RANBP9: variants seen among roughly 807,000 people sequenced by gnomAD.
RANBP9 encodes RAN binding protein 9, also known as ran-binding protein 9.
Under a neutral mutation model 84.3 loss-of-function variants are expected in RANBP9, and 15 were observed. That is an observed-to-expected ratio of 0.18 (90% confidence interval 0.12 to 0.27). The LOEUF is 0.27. RANBP9 is among the 10% of genes least tolerant of loss of function. The probability of loss-of-function intolerance (pLI) is 1.00; values close to 1 mark genes in which losing one functional copy is unlikely to be tolerated. For missense variants in RANBP9, 809 were observed against 912.8 expected (o/e 0.89, Z 1.46); for synonymous variants, 392 against 349.6 (o/e 1.12, Z -1.35).
At chr6:13,708,819 T>TCACACACACACA (rs70989879) in intron 1 of RANBP9, among the ~76,000 whole-genome samples, 3 of 140,842 alleles carry the variant, frequency 2.1e-5, no homozygotes, top group South Asian at 2.2e-4. Flanking sequence ...AACGGAAAAC[T>TCACACACACACA]CACACACACA....
intron 6 of RANBP9, among the ~76,000 whole-genome samples, chr6:13,643,049 T>C (rs1765102363): frequency 6.6e-6 from 1 of 152,186 alleles, no homozygotes; most frequent in African/African-American, 2.4e-5. Flanking sequence ...AACCATCTTC[T>C]TTACACACCG....
chr6:13,623,047 T>G (rs753996959), intron 13 of RANBP9, among the ~76,000 whole-genome samples: 2 of 152,170 alleles, frequency 1.3e-5, no homozygotes, highest in Non-Finnish European at 2.9e-5. Flanking sequence ...CCCCACAGTT[T>G]TGGAGGTGCT....
At chr6:13,664,624 TA>T (rs1207086191) in intron 2 of RANBP9, among the ~76,000 whole-genome samples, 1 of 152,018 alleles carries the variant, frequency 6.6e-6, no homozygotes, top group East Asian at 1.9e-4. Flanking sequence ...TAGAAGAGAG[TA>T]ATTCAAATGT....
intron 4 of RANBP9, among the ~76,000 whole-genome samples, chr6:13,656,127 A>C (rs1765394861): frequency 6.6e-6 from 1 of 152,186 alleles, no homozygotes. Context: ...AGAAATTCAG[A>C]ATTTTCTTTT....
At chr6:13,704,312 A>C (rs1165261977) in intron 1 of RANBP9, among the ~76,000 whole-genome samples, 2 of 152,174 alleles carry the variant, frequency 1.3e-5, no homozygotes, top group South Asian at 4.1e-4. Context: ...ATAAGATCTA[A>C]ACTCAACAAA....
chr6:13,634,080 C>A (rs143227018), intron 11 of RANBP9, among the ~76,000 whole-genome samples: 68 of 152,220 alleles, frequency 4.5e-4, no homozygotes, highest in Non-Finnish European at 9.4e-4. Context: ...AATCATCTAA[C>A]CATTTGGCCT....
At chr6:13,658,712 T>TA in intron 3 of RANBP9, 68 bp downstream of exon 3, 1 of 1,255,622 alleles carries the variant, frequency 8.0e-7, no homozygotes, top group Non-Finnish European at 1.2e-6. Flanking sequence ...TACAATTTCT[T>TA]ACTTGAAAAA....
At chr6:13,651,378 T>C (rs1298455713) in intron 5 of RANBP9, among the ~76,000 whole-genome samples, 3 of 138,300 alleles carry the variant, frequency 2.2e-5, no homozygotes, top group Non-Finnish European at 4.6e-5. Flanking sequence ...TAGTTTTTTG[T>C]TGTTGTTGTT....
chr6:13,680,757 G>GAA (rs35137292), intron 2 of RANBP9, among the ~76,000 whole-genome samples: 1 of 128,020 alleles, frequency 7.8e-6, no homozygotes, highest in Non-Finnish European at 1.7e-5. Flanking sequence ...GTCTGTCTCG[G>GAA]AAAAAAAAAA....
chr6:13,710,954 G>C lies in RANBP9; in HGVS notation c.552C>G (p.Asn184Lys). The change falls in exon 1 of 14, where the codon AAC becomes AAG. Residue 184 changes from asparagine (N) to lysine (K), a missense_variant. Physicochemically the swap from Asn to Lys is moderately conservative, Grantham distance 94. This residue lies in a region of RANBP9 where 56 missense variants were observed against 88.2 expected (regional missense o/e 0.63). Coordinates refer to ENST00000011619, the MANE Select transcript of RANBP9 (RefSeq NM_005493.3). Reference protein sequence around the residue: ...KFSYIGLSQNNLRVHYKGHGK... With the variant: ...KFSYIGLSQNKLRVHYKGHGK... Reference sequence around the variant, plus strand: ...CAGTACCTTTGTAGTGCACCCGCAGGTTGTTCTGAGAGAGGCCGATGTAGC... The same window carrying C: ...CAGTACCTTTGTAGTGCACCCGCAGCTTGTTCTGAGAGAGGCCGATGTAGC... 1 of 1,609,266 alleles carries C rather than the reference G, an allele frequency of 6.2e-7. No individual in the cohort carries two copies. Among genetic ancestry groups the C allele is most frequent in the Non-Finnish European group, 8.5e-7 (1 of 1,178,014 alleles).
rs1243371617 is a variant in RANBP9 at position 13,657,156 on chromosome 6, T to G, written c.857A>C (p.Asn286Thr). 2.5e-6 allele frequency: 4 copies of G among 1,613,136 alleles called. No individual in the cohort carries two copies. Among genetic ancestry groups the G allele is most frequent in the Non-Finnish European group, 3.4e-6 (4 of 1,179,454 alleles). The change falls in exon 4 of 14, where the codon AAT becomes ACT. Residue 286 changes from asparagine to threonine, a missense_variant. This residue lies in a region of RANBP9 where 216 missense variants were observed against 329.0 expected (regional missense o/e 0.66). Transcript: ENST00000011619. ...TTGDVIGCCV[N>T]LINNTCFYTK... ...GTAAAAGCAGGTATTGTTGATAAGA[T>G]TAACACAACAGCCAATGACATCACC...
chr6:13,708,055 T>A (rs1217268062), intron 1 of RANBP9, among the ~76,000 whole-genome samples: 1 of 152,226 alleles, frequency 6.6e-6, no homozygotes, highest in South Asian at 2.1e-4. Flanking sequence ...TATCTAACAT[T>A]AATCTCTTCA....
intron 2 of RANBP9, among the ~76,000 whole-genome samples, chr6:13,692,727 C>T (rs1168737495): frequency 1.3e-5 from 2 of 151,826 alleles, no homozygotes; most frequent in Non-Finnish European, 2.9e-5. Flanking sequence ...TGGTACATGT[C>T]TGTAATCCCA....
intron 1 of RANBP9, among the ~76,000 whole-genome samples, chr6:13,706,053 G>C (rs997774933): frequency 6.6e-6 from 1 of 151,840 alleles, no homozygotes; most frequent in Non-Finnish European, 1.5e-5. Context: ...GAAAGACAGA[G>C]TAAGTATAAC....
chr6:13,702,448 T>G (rs1757999166), intron 1 of RANBP9, among the ~76,000 whole-genome samples: 1 of 152,212 alleles, frequency 6.6e-6, no homozygotes, highest in Admixed American at 6.5e-5. Context: ...TTTTATTTGT[T>G]AAAATGTTAA....
At chr6:13,632,830 G>T in intron 11 of RANBP9, 2 of 115,344 alleles carry the variant, frequency 1.7e-5, no homozygotes, top group Non-Finnish European at 3.4e-5. Flanking sequence ...ACTACATTAA[G>T]CAACATTTAA....
intron 2 of RANBP9, among the ~76,000 whole-genome samples, chr6:13,677,235 A>G (rs748709430): frequency 6.6e-6 from 1 of 152,184 alleles, no homozygotes; most frequent in South Asian, 2.1e-4. Context: ...TTTTAAACAC[A>G]CAATACCACT....
At chr6:13,631,735 G>A (rs1437490919) in intron 12 of RANBP9, among the ~76,000 whole-genome samples, 2 of 152,162 alleles carry the variant, frequency 1.3e-5, no homozygotes, top group Admixed American at 6.5e-5. Context: ...CAACTGCAAT[G>A]CTGACTTAAG....
intron 5 of RANBP9, among the ~76,000 whole-genome samples, chr6:13,649,367 G>GCTTTTT: frequency 6.7e-6 from 1 of 149,778 alleles, no homozygotes; most frequent in African/African-American, 2.5e-5. Flanking sequence ...AAGCAACCAA[G>GCTTTTT]CTTTTTCCAA....
Sources: gnomAD v4.1 joint callset for allele counts (sites outside exome capture counted in the v4.1 genomes callset) on GRCh38, gnomAD v4.1.1 for gene constraint, gnomAD v4.1.1 regional missense constraint, MANE v1.5 for transcripts, NCBI Gene and HGNC (gene_info 2026-07-23, HGNC 2026-07-21) for gene names.